SEZ6L: variants seen among roughly 807,000 people sequenced by gnomAD.
SEZ6L encodes seizure related 6 homolog like, also known as seizure 6-like protein.
Under a neutral mutation model 106.2 loss-of-function variants are expected in SEZ6L, and 37 were observed. The observed-to-expected ratio is 0.35, with a 90% CI of 0.27 to 0.46. SEZ6L has a LOEUF of 0.46. Ranked by LOEUF, SEZ6L falls within the 20% of genes least tolerant of loss-of-function variation. The pLI is 1.00. For synonymous variants in SEZ6L, 541 were observed against 570.4 expected, an observed-to-expected ratio of 0.95 and a Z score of 0.73; for missense variants, 1,172 against 1,332.8, an observed-to-expected ratio of 0.88 and a Z score of 1.88.
chr22:26,380,189 G>A, intron 16 of SEZ6L, 77 bp from the exon 17 acceptor site: 1 of 1,402,086 alleles, frequency 7.1e-7, no homozygotes, highest in Non-Finnish European at 1.0e-6. Context: ...ATACAGAGGT[G>A]CAAAGAACTG....
chr22:26,326,583 C>T (rs187156662), intron 9 of SEZ6L, among the ~76,000 whole-genome samples: 293 of 152,302 alleles, frequency 1.9e-3, no homozygotes, highest in African/African-American at 6.7e-3. Flanking sequence ...GACAGTGATC[C>T]TCCTCCGAGG....
intron 1 of SEZ6L, among the ~76,000 whole-genome samples, chr22:26,171,677 C>A (rs1938619262): frequency 6.6e-6 from 1 of 152,272 alleles, no homozygotes; most frequent in Admixed American, 6.5e-5. Context: ...AACACCATGG[C>A]TAGCCAGCAT....
At position 26,373,468 on chromosome 22, in the gene SEZ6L, G is replaced by T; in HGVS notation, c.2812G>T (p.Glu938Ter). 1 of 1,588,512 alleles carries T rather than the reference G, an allele frequency of 6.3e-7. No individual in the cohort carries two copies. Among genetic ancestry groups the T allele is most frequent in the South Asian group, 1.2e-5 (1 of 86,342 alleles). Reference protein sequence around the residue: ...PVCKVNQDSFEHALEVAEAAA... With the variant: ...PVCKVNQDSF ...TCTTTCAGTTAATCAAGACAGTTTT[G>T]AACATGCTTTAGAAGGTGAGTTCCA... Residue 938 changes from glutamate to a stop codon, truncating the protein, a stop_gained, in exon 14 of 17, where the codon GAA (glutamate) becomes TAA (stop). Coordinates refer to ENST00000248933, the MANE Select transcript of SEZ6L (RefSeq NM_021115.5). LOFTEE classifies it high-confidence loss of function.
intron 1 of SEZ6L, among the ~76,000 whole-genome samples, chr22:26,175,565 C>G (rs1278279683): frequency 1.3e-5 from 2 of 152,092 alleles, no homozygotes; most frequent in Admixed American, 1.3e-4. Flanking sequence ...GAAACCAAAA[C>G]CAACCCTCAG....
intron 9 of SEZ6L, among the ~76,000 whole-genome samples, chr22:26,333,283 G>A (rs1242909191): frequency 1.3e-5 from 2 of 152,182 alleles, no homozygotes; most frequent in African/African-American, 4.8e-5. Context: ...AGGCATGCAG[G>A]GTGTCAGGTG....
chr22:26,209,032 T>C (rs1333738076), intron 1 of SEZ6L, among the ~76,000 whole-genome samples: 1 of 152,170 alleles, frequency 6.6e-6, no homozygotes, highest in African/African-American at 2.4e-5. Flanking sequence ...TCTGTCATCA[T>C]TCTGTTTTTA....
chr22:26,310,066 TTAA>T (rs2081768015), intron 6 of SEZ6L, among the ~76,000 whole-genome samples: 2 of 152,254 alleles, frequency 1.3e-5, no homozygotes, highest in East Asian at 1.9e-4. Flanking sequence ...AACTTCTCAG[TTAA>T]TAATAATAGT....
intron 1 of SEZ6L, among the ~76,000 whole-genome samples, chr22:26,229,901 C>A (rs1027511752): frequency 3.3e-5 from 5 of 152,244 alleles, no homozygotes; most frequent in Non-Finnish European, 7.3e-5. Flanking sequence ...TCAGGTCCTG[C>A]AGCTATTCCA....
At chr22:26,337,731 T>C (rs949677650) in intron 9 of SEZ6L, among the ~76,000 whole-genome samples, 2 of 152,178 alleles carry the variant, frequency 1.3e-5, no homozygotes, top group Non-Finnish European at 2.9e-5. Context: ...GGATTTTGTC[T>C]TGAAGACATG....
At chr22:26,333,128 G>A (rs2082539015) in intron 9 of SEZ6L, among the ~76,000 whole-genome samples, 1 of 152,228 alleles carries the variant, frequency 6.6e-6, no homozygotes, top group African/African-American at 2.4e-5. Context: ...AGCCAGAAGT[G>A]GTAACACTAA....
At chr22:26,246,554 A>G (rs2079353279) in intron 1 of SEZ6L, among the ~76,000 whole-genome samples, 1 of 151,392 alleles carries the variant, frequency 6.6e-6, no homozygotes, top group Non-Finnish European at 1.5e-5. Flanking sequence ...TTCTTTTTTT[A>G]CTCACCAATG....
At chr22:26,225,159 C>T (rs1277157079) in intron 1 of SEZ6L, among the ~76,000 whole-genome samples, 1 of 152,216 alleles carries the variant, frequency 6.6e-6, no homozygotes, top group Non-Finnish European at 1.5e-5. Flanking sequence ...TCCAATTTCT[C>T]CCAGGCTCAA....
chr22:26,327,409 C>CCACA (rs139127644), intron 9 of SEZ6L, among the ~76,000 whole-genome samples: 1 of 139,382 alleles, frequency 7.2e-6, no homozygotes, highest in Non-Finnish European at 1.5e-5. Flanking sequence ...CACATACACA[C>CCACA]CACACACACA....
At chr22:26,194,726 T>C (rs1464776784) in intron 1 of SEZ6L, among the ~76,000 whole-genome samples, 1 of 152,180 alleles carries the variant, frequency 6.6e-6, no homozygotes, top group Non-Finnish European at 1.5e-5. Flanking sequence ...TCCCAGCTCC[T>C]CCACTTACAA....
intron 1 of SEZ6L, among the ~76,000 whole-genome samples, chr22:26,270,672 C>T (rs1438747472): frequency 1.3e-5 from 2 of 152,160 alleles, no homozygotes; most frequent in African/African-American, 4.8e-5. Context: ...TCTTTATACC[C>T]CTTCTTTATC....
chr22:26,289,947 C>T (rs576725704), intron 1 of SEZ6L, among the ~76,000 whole-genome samples: 1 of 152,120 alleles, frequency 6.6e-6, no homozygotes, highest in Non-Finnish European at 1.5e-5. Flanking sequence ...AGTTTCCTGC[C>T]GAGGGGCTGT....
At position 26,237,999 on chromosome 22, in the gene SEZ6L, A is replaced by T. The variant is rs1043809935; in HGVS notation, c.95-54407A>T. Among the ~76,000 whole-genome samples, 2 of 152,236 alleles carry T rather than the reference A, an allele frequency of 1.3e-5. 1 individual carries two copies. Among genetic ancestry groups the T allele is most frequent in the African/African-American group, 4.8e-5 (2 of 41,472 alleles). On this transcript the variant is annotated intron_variant, in intron 1 of 16. Coordinates refer to ENST00000248933, the MANE Select transcript of SEZ6L (RefSeq NM_021115.5). The stretch of plus-strand genomic sequence containing the variant: ...TTTTCCACCATCAAGCCTGCAGCCC[A>T]GGATTATTGTTGATAAAGGAGCTGT...
At chr22:26,259,886 G>T (rs147028581) in intron 1 of SEZ6L, among the ~76,000 whole-genome samples, 1 of 152,240 alleles carries the variant, frequency 6.6e-6, no homozygotes, top group East Asian at 1.9e-4. Flanking sequence ...ATTGAGCCAC[G>T]ATTTAGGTGT....
intron 1 of SEZ6L, chr22:26,292,130 AG>A: frequency 5.4e-6 from 2 of 368,178 alleles, no homozygotes; most frequent in Non-Finnish European, 4.8e-6. Flanking sequence ...GGAGGGAGGG[AG>A]GAAAGAAAGA....
Sources: gnomAD v4.1 joint callset for allele counts (sites outside exome capture counted in the v4.1 genomes callset) on GRCh38, gnomAD v4.1.1 for gene constraint, MANE v1.5 for transcripts, NCBI Gene and HGNC (gene_info 2026-07-23, HGNC 2026-07-21) for gene names.